Variants in MPP2 observed in about 807,000 individuals in gnomAD.
The protein encoded by MPP2 is MAGUK p55 scaffold protein 2.
MPP2 carries 42 observed loss-of-function variants against 58.5 expected under a neutral mutation model. The observed-to-expected ratio is 0.72, with a 90% CI of 0.56 to 0.93. MPP2 has a LOEUF of 0.93. Among genes scored for constraint, MPP2 ranks in the 40% least tolerant of loss-of-function variants. The probability of loss-of-function intolerance (pLI) is 0.00; values close to 1 mark genes in which losing one functional copy is unlikely to be tolerated. For missense variants in MPP2, 632 were observed against 760.4 expected (o/e 0.83, Z 1.99); for synonymous variants, 300 against 307.8 (o/e 0.97, Z 0.26).
chr17:43,876,071 C>T lies in MPP2; in HGVS notation c.*1736G>A, dbSNP rs943684685. On this transcript the variant is annotated 3_prime_UTR_variant, in exon 13 of 13. Transcript: ENST00000269095. ...TGTAGTATACGCAGAGCCACACCAA[C>T]GAGATGGGGGCAGGCCTGGCCTTTC... 10 of 152,554 alleles carry T rather than the reference C, an allele frequency of 6.6e-5. No homozygotes were observed. The highest frequency in any genetic ancestry group is 1.4e-4 in the African/African-American group (6 of 41,446). 9.5% of individuals were successfully genotyped at this position (152,554 alleles called of 1,614,324 possible).
chr17:43,906,189 T>C (rs1597819959), intron 1 of MPP2: 2 of 943,984 alleles, frequency 2.1e-6, no homozygotes, highest in Non-Finnish European at 2.5e-6. Flanking sequence ...GGGAGGATCC[T>C]GTATGAAATC....
At position 43,880,878 on chromosome 17, in the gene MPP2, C is replaced by T. The variant is rs781080912; in HGVS notation, c.989-26G>A. 2.5e-6 allele frequency: 4 copies of T among 1,578,710 alleles called. No individual in the cohort carries two copies. The African/African-American group carries it at 5.4e-5, about 21-fold the overall frequency. On this transcript the variant is annotated intron_variant, in intron 9 of 12. Transcript: ENST00000269095. This position sits in a 1 kb window ranked among gnomAD's most constrained non-coding sequence, Gnocchi z 5.2. ...CTGGACACAGGGAGATGGCGCTGCT[C>T]ACCAGGCTGCACGGTGAGGGAGGGG...
intron 3 of MPP2, chr17:43,884,223 T>C: frequency 3.0e-6 from 2 of 665,158 alleles, no homozygotes; most frequent in South Asian, 3.3e-5. Flanking sequence ...ATGTTCACTC[T>C]TGTCCCAAAA....
At chr17:43,896,449 C>T (rs1178201888) in intron 3 of MPP2, among the ~76,000 whole-genome samples, 1 of 152,050 alleles carries the variant, frequency 6.6e-6, no homozygotes, top group Non-Finnish European at 1.5e-5. Flanking sequence ...TTTTTCTCTT[C>T]CATCTATATC....
chr17:43,880,387 C>G lies in MPP2; in HGVS notation c.1150+304G>C, dbSNP rs1194550196. ...AAGGCTACACACATGCAGCTCGTAG[C>G]CTGTTTCACCCGGGTGCACAGCTGG... On this transcript the variant is annotated intron_variant, in intron 10 of 12. Transcript: ENST00000269095. The surrounding 1 kb of genome is among the most constrained non-coding windows in gnomAD (Gnocchi z 5.2). Among the ~76,000 whole-genome samples the G allele has an allele frequency of 6.6e-6, 1 of 152,202 alleles. No homozygotes were observed. Among genetic ancestry groups the G allele is most frequent in the Non-Finnish European group, 1.5e-5 (1 of 68,030 alleles).
chr17:43,875,470 G>A lies in MPP2; in HGVS notation c.*2337C>T, dbSNP rs914340155. 6.6e-6 allele frequency: 1 copy of A among 152,390 alleles called. No individual in the cohort carries two copies. The highest frequency in any genetic ancestry group is 1.5e-5 in the Non-Finnish European group (1 of 68,132). 9.4% of individuals were successfully genotyped at this position (152,390 alleles called of 1,614,324 possible). A position where few individuals can be genotyped will look rare whatever the true frequency, so the allele number is the denominator to read the frequency against. ...GAGGAAGCGCACTGGGGCTGGGACT[G>A]AATATGGACAGTGGATGGTAGGGTC... On this transcript the variant is annotated 3_prime_UTR_variant, in exon 13 of 13. Coordinates refer to ENST00000269095, the MANE Select transcript of MPP2 (RefSeq NM_005374.5).
Position 43,880,747 on chromosome 17 carries a change from C to T in MPP2, c.1094G>A (p.Ser365Asn), listed in dbSNP as rs747067215. 3.1e-6 allele frequency: 5 copies of T among 1,613,996 alleles called. No homozygotes were observed. Among genetic ancestry groups the T allele is most frequent in the Non-Finnish European group, 2.5e-6 (3 of 1,179,900 alleles). The change falls in exon 10 of 13, where the codon AGC (serine) becomes AAC (asparagine). Residue 365 changes from serine to asparagine, a missense_variant. Coordinates refer to ENST00000269095, the MANE Select transcript of MPP2 (RefSeq NM_005374.5). This position sits in a 1 kb window ranked among gnomAD's most constrained non-coding sequence, Gnocchi z 5.2. ...CCACATGATGAGCTTGTTCTTCAGG[C>T]TGCGCCGTCCCACGCCCTGAGCCCC... is the stretch of plus-strand genomic sequence containing the variant. ...LIGAQGVGRRSLKNKLIMWDP... is the reference protein window; with the variant it reads ...LIGAQGVGRRNLKNKLIMWDP...
chr17:43,883,768 T>C, intron 3 of MPP2, among the ~76,000 whole-genome samples: 1 of 152,060 alleles, frequency 6.6e-6, no homozygotes, highest in East Asian at 1.9e-4. Flanking sequence ...GTAGAATAAC[T>C]TTCCCAGGGT....
upstream of MPP2, chr17:43,907,707 G>A: frequency 1.1e-5 from 11 of 985,600 alleles, no homozygotes; most frequent in Non-Finnish European, 1.2e-5. Context: ...GGGAGACACC[G>A]CACAGACCAC....
Position 43,880,468 on chromosome 17 carries a change from C to A in MPP2, c.1150+223G>T, listed in dbSNP as rs574825304. The stretch of plus-strand genomic sequence containing the variant: ...TGAAACAAGAGAAGGAAAGTGGACG[C>A]CAGCCCAGCCCGCTAGGCCACCTGT... On this transcript the variant is annotated intron_variant, in intron 10 of 12. Transcript: ENST00000269095. This position sits in a 1 kb window ranked among gnomAD's most constrained non-coding sequence, Gnocchi z 5.2. 2.0e-5 allele frequency among the ~76,000 whole-genome samples: 3 copies of A among 152,338 alleles called. No individual in the cohort carries two copies. The highest frequency in any genetic ancestry group is 3.9e-4 in the East Asian group (2 of 5,182).
Position 43,883,236 on chromosome 17 carries a change from C to G in MPP2, c.270G>C (p.Glu90Asp). Residue 90 changes from glutamate (E) to aspartate (D), a missense_variant, in exon 4 of 13, where the codon GAG (glutamate) becomes GAC (aspartate). Transcript: ENST00000269095. ...QLAEQSSTAA[E>D]LAHILQEPHF... The stretch of plus-strand genomic sequence containing the variant: ...GGGGCTCCTGGAGGATGTGGGCCAG[C>G]TCGGCGGCTGTGCTGCTCTGCTCAG... The G allele has an allele frequency of 6.2e-7, 1 of 1,608,562 alleles. No individual in the cohort carries two copies. The highest frequency in any genetic ancestry group is 8.5e-7 in the Non-Finnish European group (1 of 1,177,638).
At chr17:43,906,459 T>C (rs913754771) in intron 1 of MPP2, among the ~76,000 whole-genome samples, 1 of 152,148 alleles carries the variant, frequency 6.6e-6, no homozygotes, top group Non-Finnish European at 1.5e-5. Context: ...CTCCGAGATA[T>C]CCACATCACC....
In MPP2 at chr17:43,884,029, A is replaced by G. The variant is rs2047261368; in HGVS notation, c.151-674T>C. 4 of 693,150 alleles carry G rather than the reference A, an allele frequency of 5.8e-6. No individual in the cohort carries two copies. The South Asian group carries it at 6.1e-5, about 11-fold the overall frequency. 42.9% of individuals were successfully genotyped at this position (693,150 alleles called of 1,614,324 possible). A position where few individuals can be genotyped will look rare whatever the true frequency, so the allele number is the denominator to read the frequency against. ...CATTTCAATAATATATATGAAGACC[A>G]TTTTTCCCCTCTGAATCTTTGAAAG... On this transcript the variant is annotated intron_variant, in intron 3 of 12. Transcript: ENST00000269095.
chr17:43,894,458 CACACAA>C (rs1231323405), intron 3 of MPP2, among the ~76,000 whole-genome samples: 3 of 63,552 alleles, frequency 4.7e-5, no homozygotes, highest in South Asian at 5.7e-4. Context: ...CACACACACA[CACACAA>C]AAATTAGCCG....
chr17:43,877,100 C>T lies in MPP2; in HGVS notation c.*707G>A, dbSNP rs1411617435. 6.5e-6 allele frequency: 1 copy of T among 153,002 alleles called. No individual in the cohort carries two copies. The highest frequency in any genetic ancestry group is 1.5e-5 in the Non-Finnish European group (1 of 68,314). 9.5% of individuals were successfully genotyped at this position (153,002 alleles called of 1,614,324 possible). ...GGGGAGCAGGGCTGACCTGTCAGGA[C>T]ACATTGGAGAAATCTGGAGAAACTT... On this transcript the variant is annotated 3_prime_UTR_variant, in exon 13 of 13. Coordinates refer to ENST00000269095, the MANE Select transcript of MPP2 (RefSeq NM_005374.5).
intron 3 of MPP2, among the ~76,000 whole-genome samples, chr17:43,890,647 T>C (rs756971755): frequency 1.1e-4 from 17 of 152,238 alleles, no homozygotes; most frequent in Non-Finnish European, 1.8e-4. Flanking sequence ...AGGAACTCTT[T>C]AATCTGGGTT....
At chr17:43,897,786 C>G (rs1403976424) in intron 3 of MPP2, among the ~76,000 whole-genome samples, 1 of 152,224 alleles carries the variant, frequency 6.6e-6, no homozygotes, top group Admixed American at 6.5e-5. Context: ...CCACCCCAGG[C>G]TGGGTTAGAC....
At position 43,875,457 on chromosome 17, in the gene MPP2, T is replaced by A. The variant is rs937014937; in HGVS notation, c.*2350A>T. The A allele has an allele frequency of 6.6e-6, 1 of 152,366 alleles. No individual in the cohort carries two copies. The highest frequency in any genetic ancestry group is 2.4e-5 in the African/African-American group (1 of 41,438). 9.4% of individuals were successfully genotyped at this position (152,366 alleles called of 1,614,324 possible). On this transcript the variant is annotated 3_prime_UTR_variant, in exon 13 of 13. Transcript: ENST00000269095. ...GAGGGAGGGAACAGAGGAAGCGCAC[T>A]GGGGCTGGGACTGAATATGGACAGT...
chr17:43,879,992 G>T lies in MPP2; in HGVS notation c.1151-8C>A. 1 of 1,613,942 alleles carries T rather than the reference G, an allele frequency of 6.2e-7. No homozygotes were observed. Among genetic ancestry groups the T allele is most frequent in the African/African-American group, 1.3e-5 (1 of 75,010 alleles). On this transcript the variant is annotated splice_polypyrimidine_tract_variant and splice_region_variant and intron_variant, in intron 10 of 12. Coordinates refer to ENST00000269095, the MANE Select transcript of MPP2 (RefSeq NM_005374.5). This position sits in a 1 kb window ranked among gnomAD's most constrained non-coding sequence, Gnocchi z 4.1. ...TCGGCCGCCGGGAGGTGTCTAGGGGGATGGGGGTAGGTTGGACCAAATGGG... is the reference window on the plus strand; with the variant it reads ...TCGGCCGCCGGGAGGTGTCTAGGGGTATGGGGGTAGGTTGGACCAAATGGG...
Sources: gnomAD v4.1 joint callset for allele counts (sites outside exome capture counted in the v4.1 genomes callset) on GRCh38, gnomAD v4.1.1 for gene constraint, Gnocchi (gnomAD v3.1) non-coding constraint, MANE v1.5 for transcripts, NCBI Gene and HGNC (gene_info 2026-07-23, HGNC 2026-07-21) for gene names.